CFAP20: variants seen among roughly 807,000 people sequenced by gnomAD.
The protein encoded by CFAP20 is cilia- and flagella-associated protein 20.
Under a neutral mutation model 25.5 loss-of-function variants are expected in CFAP20, and 14 were observed. That is an observed-to-expected ratio of 0.55 (90% CI 0.36 to 0.86). The LOEUF (loss-of-function observed/expected upper bound fraction) is 0.86. Among genes scored for constraint, CFAP20 ranks in the 40% least tolerant of loss-of-function variants. CFAP20 has a pLI of 0.01. For missense variants in CFAP20, 181 were observed against 248.0 expected (o/e 0.73, Z 1.81); for synonymous variants, 75 against 91.1 (o/e 0.82, Z 1.01).
At chr16:58,127,900 C>T (rs528431248) in intron 1 of CFAP20, among the ~76,000 whole-genome samples, 1 of 152,278 alleles carries the variant, frequency 6.6e-6, no homozygotes, top group South Asian at 2.1e-4. Flanking sequence ...AAAGAGCTCT[C>T]ATGTGTGGAT....
At chr16:58,117,078 T>G (rs1416924957) in intron 1 of CFAP20, 127 bp from the exon 2 acceptor site, 1 of 752,590 alleles carries the variant, frequency 1.3e-6, no homozygotes, top group Non-Finnish European at 2.2e-6. Flanking sequence ...GAAGCTTATA[T>G]GTAAGTAAGC....
At chr16:58,119,145 G>A (rs1446443303) in intron 1 of CFAP20, 2 of 152,134 alleles carry the variant, frequency 1.3e-5, no homozygotes, top group Non-Finnish European at 2.9e-5. Flanking sequence ...ATTAGTCTCT[G>A]TGAGCTCTGT....
intron 1 of CFAP20, among the ~76,000 whole-genome samples, chr16:58,124,599 T>C (rs1243282654): frequency 6.6e-6 from 1 of 152,190 alleles, no homozygotes; most frequent in Non-Finnish European, 1.5e-5. Context: ...TAATGGTACG[T>C]ATTTGTGTGT....
At chr16:58,127,848 G>C (rs1960638526) in intron 1 of CFAP20, among the ~76,000 whole-genome samples, 1 of 152,200 alleles carries the variant, frequency 6.6e-6, no homozygotes, top group African/African-American at 2.4e-5. Context: ...GTGACAGGCA[G>C]AAAGCTGCTC....
chr16:58,113,793 G>T lies in CFAP20; in HGVS notation c.*232C>A. 1 of 533,544 alleles carries T rather than the reference G, an allele frequency of 1.9e-6. No homozygotes were observed. Among genetic ancestry groups the T allele is most frequent in the Admixed American group, 3.2e-5 (1 of 31,642 alleles). 33.1% of individuals were successfully genotyped at this position (533,544 alleles called of 1,614,324 possible). ...CACACTGGGGCAGGCGGCGGAATAA[G>T]CTCCAGCGTTCATGCGCCACTCACA... is the stretch of plus-strand genomic sequence containing the variant. On this transcript the variant is annotated 3_prime_UTR_variant, in exon 6 of 6. Transcript: ENST00000262498.
intron 1 of CFAP20, chr16:58,119,461 A>G (rs1381117474): frequency 1.3e-5 from 2 of 152,224 alleles, no homozygotes; most frequent in Non-Finnish European, 2.9e-5. Flanking sequence ...CCCGTGGACT[A>G]TTATAGGAAG....
intron 1 of CFAP20, among the ~76,000 whole-genome samples, chr16:58,125,213 TCA>T (rs779753998): frequency 1.3e-5 from 2 of 152,144 alleles, no homozygotes; most frequent in Non-Finnish European, 2.9e-5. Context: ...TTAACATCAA[TCA>T]CAGTCTCCAC....
In CFAP20 at chr16:58,114,861, ATCT is replaced by A; in HGVS notation, c.522_524del (p.Glu174del). The A allele has an allele frequency of 6.2e-7, 1 of 1,614,120 alleles. No individual in the cohort carries two copies. The highest frequency in any genetic ancestry group is 8.5e-7 in the Non-Finnish European group (1 of 1,180,008). ...ACAGTTTGAACTCTGCCGGCAGCTC[ATCT>A]TCTGAGTAGAGTCTGTCTGAGAAGT... On this transcript the variant is annotated inframe_deletion, in exon 5 of 6. Transcript: ENST00000262498.
rs779471629 is a variant in CFAP20 at position 58,115,998 on chromosome 16, T to C, written c.276+43A>G. On this transcript the variant is annotated intron_variant, in intron 3 of 5. Coordinates refer to ENST00000262498, the MANE Select transcript of CFAP20 (RefSeq NM_013242.3). The stretch of plus-strand genomic sequence containing the variant: ...TCCCATCAGTTCAAAGGCTATCACT[T>C]TGGTATAGCCAAGAGTGGACACATT... 3.6e-6 allele frequency: 5 copies of C among 1,395,854 alleles called. No individual in the cohort carries two copies. In the South Asian group the frequency reaches 5.9e-5, roughly 16 times the overall value. 86.5% of individuals were successfully genotyped at this position (1,395,854 alleles called of 1,614,324 possible).
At chr16:58,115,497 T>C in intron 3 of CFAP20, 40 bp from the exon 4 acceptor site, 1 of 1,601,640 alleles carries the variant, frequency 6.2e-7, no homozygotes, top group Non-Finnish European at 8.5e-7. Flanking sequence ...TAGCTCTGTC[T>C]TGGAAGAAGC....
intron 1 of CFAP20, among the ~76,000 whole-genome samples, chr16:58,118,441 C>T (rs913517534): frequency 2.0e-5 from 3 of 151,350 alleles, no homozygotes; most frequent in African/African-American, 7.3e-5. Flanking sequence ...TGTGTTTGTG[C>T]CACTGCACTC....
At chr16:58,117,012 A>G (rs1960466499) in intron 1 of CFAP20, 61 bp from the exon 2 acceptor site, 1 of 1,501,894 alleles carries the variant, frequency 6.7e-7, no homozygotes, top group Admixed American at 1.7e-5. Context: ...AGGACTATTT[A>G]AAGAAAACCA....
chr16:58,115,579 T>A, intron 3 of CFAP20, 122 bp from the exon 4 acceptor site: 1 of 1,174,292 alleles, frequency 8.5e-7, no homozygotes, highest in Non-Finnish European at 1.2e-6. Flanking sequence ...TAGAGGAAAA[T>A]AAACAGACCA....
At chr16:58,125,135 A>G (rs1317730802) in intron 1 of CFAP20, among the ~76,000 whole-genome samples, 2 of 152,196 alleles carry the variant, frequency 1.3e-5, no homozygotes, top group Non-Finnish European at 2.9e-5. Flanking sequence ...TTAACTTTTT[A>G]AACTTTTTTG....
chr16:58,117,427 C>CTTTCTTT (rs369914583), intron 1 of CFAP20, among the ~76,000 whole-genome samples: 1 of 152,134 alleles, frequency 6.6e-6, no homozygotes, highest in Non-Finnish European at 1.5e-5. Flanking sequence ...CTTTCTTTCT[C>CTTTCTTT]TTTCTTTTTT....
intron 1 of CFAP20, among the ~76,000 whole-genome samples, chr16:58,123,671 A>T (rs1960570552): frequency 6.7e-6 from 1 of 149,208 alleles, no homozygotes; most frequent in Admixed American, 6.8e-5. Flanking sequence ...ATAAGTGGGA[A>T]CAGAACCTCC....
chr16:58,129,220 G>C lies in CFAP20; in HGVS notation c.-105C>G. The C allele has an allele frequency of 8.5e-7, 1 of 1,179,892 alleles. No homozygotes were observed. The highest frequency in any genetic ancestry group is 1.2e-6 in the Non-Finnish European group (1 of 829,100). 73.1% of individuals were successfully genotyped at this position (1,179,892 alleles called of 1,614,324 possible). A position where few individuals can be genotyped will look rare whatever the true frequency, so the allele number is the denominator to read the frequency against. On this transcript the variant is annotated 5_prime_UTR_variant, in exon 1 of 6. Coordinates refer to ENST00000262498, the MANE Select transcript of CFAP20 (RefSeq NM_013242.3). ...CACAGCAGCAGGCCGGCCCTGTTCC[G>C]AAGAAGGGTGGTTGAGCTCCTGGCC...
chr16:58,123,509 T>C (rs1357967042), intron 1 of CFAP20, among the ~76,000 whole-genome samples: 2 of 137,770 alleles, frequency 1.5e-5, no homozygotes, highest in Admixed American at 7.9e-5. Flanking sequence ...GGCAGGAGAA[T>C]GGCGTGAACC....
chr16:58,124,748 G>C (rs921720095), intron 1 of CFAP20, among the ~76,000 whole-genome samples: 1 of 152,230 alleles, frequency 6.6e-6, no homozygotes, highest in African/African-American at 2.4e-5. Context: ...TGAATGTGAA[G>C]GCCTAGGACA....
Sources: gnomAD v4.1 joint callset for allele counts (sites outside exome capture counted in the v4.1 genomes callset) on GRCh38, gnomAD v4.1.1 for gene constraint, MANE v1.5 for transcripts, NCBI Gene and HGNC (gene_info 2026-07-23, HGNC 2026-07-21) for gene names.